The following EDIL3 variants were observed in gnomAD, a reference collection of about 807,000 sequenced individuals.
EDIL3 encodes the protein EGF like and discoidin domains 3, also known as EGF-like repeat and discoidin I-like domain-containing protein 3.
A neutral mutation model predicts 67.4 loss-of-function variants in EDIL3; 37 were observed. That is an observed-to-expected ratio of 0.55 (90% CI 0.42 to 0.72). The LOEUF (loss-of-function observed/expected upper bound fraction) is 0.72, where lower values mean the gene tolerates loss of function less well. Among genes scored for constraint, EDIL3 ranks in the 30% least tolerant of loss-of-function variants. The pLI is 0.00. For synonymous variants in EDIL3, 195 were observed against 196.3 expected (o/e 0.99, Z 0.05); for missense variants, 527 against 586.3 (o/e 0.90, Z 1.04).
At chr5:84,321,573 T>A (rs983167500) in intron 1 of EDIL3, among the ~76,000 whole-genome samples, 6 of 152,154 alleles carry the variant, frequency 3.9e-5, no homozygotes, top group African/African-American at 1.4e-4. Context: ...TAGCAGCTCC[T>A]CATTCTCAAC....
intron 9 of EDIL3, among the ~76,000 whole-genome samples, chr5:84,020,486 C>G (rs981766213): frequency 4.6e-5 from 7 of 152,022 alleles, no homozygotes; most frequent in African/African-American, 7.2e-5. Context: ...ATCAAGGGAA[C>G]ACCTTTATTG....
At chr5:83,991,415 TC>T (rs1331467463) in intron 9 of EDIL3, among the ~76,000 whole-genome samples, 2 of 152,150 alleles carry the variant, frequency 1.3e-5, no homozygotes, top group African/African-American at 4.8e-5. Flanking sequence ...TGATTCTGCC[TC>T]ATCGATTCAC....
intron 3 of EDIL3, among the ~76,000 whole-genome samples, chr5:84,187,657 G>A (rs1382660804): frequency 2.0e-5 from 3 of 151,976 alleles, no homozygotes; most frequent in Admixed American, 1.3e-4. Context: ...AGAACATATC[G>A]AAGTTATCTT....
At chr5:84,241,037 C>CA (rs1030235822) in intron 2 of EDIL3, among the ~76,000 whole-genome samples, 2 of 152,208 alleles carry the variant, frequency 1.3e-5, no homozygotes, top group African/African-American at 2.4e-5. Context: ...AAAGCCACCA[C>CA]AACCATAAAA....
chr5:84,176,755 A>ATG (rs3046874), intron 4 of EDIL3, among the ~76,000 whole-genome samples: 73,958 of 149,690 alleles, frequency 0.49, 18,682 homozygotes, highest in East Asian at 0.71. Flanking sequence ...GTGTGTATAT[A>ATG]TGTGTGTGTG....
chr5:84,000,608 G>A (rs1417528930), intron 9 of EDIL3, among the ~76,000 whole-genome samples: 1 of 150,914 alleles, frequency 6.6e-6, no homozygotes, highest in African/African-American at 2.4e-5. Context: ...CCAACAAAAA[G>A]AAAATCACTC....
intron 1 of EDIL3, among the ~76,000 whole-genome samples, chr5:84,265,797 A>G (rs192757409): frequency 6.6e-5 from 10 of 152,354 alleles, no homozygotes; most frequent in African/African-American, 2.2e-4. Flanking sequence ...TTTAATGGCT[A>G]TATGGCCAAT....
intron 1 of EDIL3, among the ~76,000 whole-genome samples, chr5:84,300,585 G>C (rs2650471): frequency 6.6e-6 from 1 of 151,912 alleles, no homozygotes; most frequent in Non-Finnish European, 1.5e-5. Context: ...TATTTCCTAA[G>C]TCAAACATCT....
At chr5:83,951,386 T>C (rs1235453924) in intron 10 of EDIL3, among the ~76,000 whole-genome samples, 1 of 151,820 alleles carries the variant, frequency 6.6e-6, no homozygotes, top group Non-Finnish European at 1.5e-5. Context: ...ATGTTCCTCA[T>C]GTATATAAAT....
chr5:84,303,846 G>GTT (rs1746211751), intron 1 of EDIL3, among the ~76,000 whole-genome samples: 2 of 145,954 alleles, frequency 1.4e-5, no homozygotes, highest in Admixed American at 6.8e-5. Flanking sequence ...GTGTGTGTGT[G>GTT]TGTTTGTGTG....
intron 1 of EDIL3, among the ~76,000 whole-genome samples, chr5:84,366,538 C>T (rs1032443059): frequency 2.6e-5 from 4 of 152,110 alleles, no homozygotes; most frequent in African/African-American, 9.7e-5. Context: ...GTACATTTTT[C>T]TTTCACATTA....
intron 9 of EDIL3, among the ~76,000 whole-genome samples, chr5:84,025,810 T>C (rs1745800619): frequency 6.6e-6 from 1 of 152,212 alleles, no homozygotes; most frequent in African/African-American, 2.4e-5. Flanking sequence ...TAGGATATTA[T>C]TTTAGGGATA....
intron 1 of EDIL3, among the ~76,000 whole-genome samples, chr5:84,308,199 A>T (rs1312867491): frequency 1.3e-5 from 2 of 152,212 alleles, no homozygotes; most frequent in Non-Finnish European, 2.9e-5. Context: ...TCTAGTGGCT[A>T]ACAGGTCCTC....
At chr5:84,310,164 T>A (rs1746355545) in intron 1 of EDIL3, among the ~76,000 whole-genome samples, 2 of 150,616 alleles carry the variant, frequency 1.3e-5, no homozygotes, top group Admixed American at 1.3e-4. Context: ...ACAAAATAAC[T>A]GAACCTTGAA....
chr5:84,272,176 T>C (rs1423365101), intron 1 of EDIL3, among the ~76,000 whole-genome samples: 1 of 152,070 alleles, frequency 6.6e-6, no homozygotes, highest in Non-Finnish European at 1.5e-5. Context: ...TATTTTTGAA[T>C]CTAAACATAG....
chr5:84,018,990 T>C (rs1188853718), intron 9 of EDIL3, among the ~76,000 whole-genome samples: 1 of 152,164 alleles, frequency 6.6e-6, no homozygotes, highest in Non-Finnish European at 1.5e-5. Flanking sequence ...GGTGTGGCAA[T>C]TCCTTAGGGA....
chr5:84,322,664 G>A (rs1746673033), intron 1 of EDIL3, among the ~76,000 whole-genome samples: 1 of 151,992 alleles, frequency 6.6e-6, no homozygotes, highest in Admixed American at 6.6e-5. Context: ...AGAAATAATG[G>A]CTGAATATTC....
chr5:84,097,839 A>G (rs1747291854), intron 6 of EDIL3, among the ~76,000 whole-genome samples: 2 of 152,190 alleles, frequency 1.3e-5, no homozygotes, highest in East Asian at 1.9e-4. Context: ...AGAAATTGAC[A>G]CTGCATATCT....
Position 84,139,677 on chromosome 5 carries a change from C to T in EDIL3, c.356-2323G>A, listed in dbSNP as rs189174820. Among the ~76,000 whole-genome samples the T allele has an allele frequency of 5.2e-3, 796 of 152,078 alleles. 7 individuals carry two copies. The highest frequency in any genetic ancestry group is 8.5e-3 in the Non-Finnish European group (575 of 67,986). On this transcript the variant is annotated intron_variant, in intron 4 of 10. Transcript: ENST00000296591. ...CTTCATATCTTAGAGAAAACACTGC[C>T]GTATTTTGTAAAGTTAGATGCAAAA...
Sources: gnomAD v4.1 joint callset for allele counts (sites outside exome capture counted in the v4.1 genomes callset) on GRCh38, gnomAD v4.1.1 for gene constraint, MANE v1.5 for transcripts, NCBI Gene and HGNC (gene_info 2026-07-23, HGNC 2026-07-21) for gene names.